The following SLC7A10 variants were observed in gnomAD, a reference collection of about 807,000 sequenced individuals.
SLC7A10 encodes the protein solute carrier family 7 member 10.
SLC7A10 carries 30 observed loss-of-function variants against 52.7 expected under a neutral mutation model. The observed-to-expected ratio is 0.57, with a 90% CI of 0.43 to 0.77. The LOEUF (loss-of-function observed/expected upper bound fraction) is 0.77. Among genes scored for constraint, SLC7A10 ranks in the 30% least tolerant of loss-of-function variants. The probability of loss-of-function intolerance (pLI) is 0.00; values close to 1 mark genes in which losing one functional copy is unlikely to be tolerated. For missense variants in SLC7A10, 581 were observed against 698.5 expected (o/e 0.83, Z 1.90); for synonymous variants, 318 against 314.9 (o/e 1.01, Z -0.10).
chr19:33,210,859 G>A lies in SLC7A10; in HGVS notation c.1056C>T (p.Ser352=). The change falls in exon 8 of 11, where the codon AGC becomes AGT. Residue 352 remains serine (S), a synonymous_variant. Transcript: ENST00000253188. This position sits in a 1 kb window ranked among gnomAD's most constrained non-coding sequence, Gnocchi z 5.6. ...FSGAREGHLP[S]LLAMIHVRHC... ...GTCTGACGTGGATCATGGCCAGCAG[G>A]CTGGGCAGGTGCCCCTCGCGGGCTC... 2 of 1,613,474 alleles carry A rather than the reference G, an allele frequency of 1.2e-6. No homozygotes were observed. The highest frequency in any genetic ancestry group is 1.6e-4 in the Middle Eastern group (1 of 6,062).
In SLC7A10 at chr19:33,210,589, C is replaced by T. The variant is rs765762004; in HGVS notation, c.1141G>A (p.Val381Met). 1.2e-5 allele frequency: 20 copies of T among 1,611,902 alleles called. No individual in the cohort carries two copies. The highest frequency in any genetic ancestry group is 4.4e-5 in the South Asian group (4 of 91,090). The change falls in exon 9 of 11, where the codon GTG (valine) becomes ATG (methionine). Residue 381 changes from valine to methionine, a missense_variant. Val to Met is a conservative substitution (Grantham distance 21). Transcript: ENST00000253188. The surrounding 1 kb of genome is among the most constrained non-coding windows in gnomAD (Gnocchi z 5.6). ...TTGATGAGCGTGTACGTGTCGCCCACGAGCATGATGACGGCTGTGGCCCCG... is the reference window on the plus strand; with the variant it reads ...TTGATGAGCGTGTACGTGTCGCCCATGAGCATGATGACGGCTGTGGCCCCG... ...CCGATAVIML[V>M]GDTYTLINYV... is the part of the protein sequence containing the mutation.
At position 33,215,996 on chromosome 19, in the gene SLC7A10, G is replaced by A. The variant is rs1599952865; in HGVS notation, c.152-23C>T. On this transcript the variant is annotated intron_variant, in intron 1 of 10. Transcript: ENST00000253188. ...TCCCTGCAGGGGGAGAGATGGGGAGGCATCAGGCCTGGGGTCCCCTTCGCA... is the reference window on the plus strand; with the variant it reads ...TCCCTGCAGGGGGAGAGATGGGGAGACATCAGGCCTGGGGTCCCCTTCGCA... 2.6e-6 allele frequency: 4 copies of A among 1,555,868 alleles called. No homozygotes were observed. In the East Asian group the frequency reaches 9.2e-5, roughly 36 times the overall value.
At position 33,225,838 on chromosome 19, in the gene SLC7A10, C is replaced by G. The variant is rs1974914869; in HGVS notation, c.-135G>C. The G allele has an allele frequency of 2.8e-6, 3 of 1,082,352 alleles. No homozygotes were observed. Among genetic ancestry groups the G allele is most frequent in the Non-Finnish European group, 1.2e-6 (1 of 851,384 alleles). 67.0% of individuals were successfully genotyped at this position (1,082,352 alleles called of 1,614,324 possible). A position where few individuals can be genotyped will look rare whatever the true frequency, so the allele number is the denominator to read the frequency against. On this transcript the variant is annotated 5_prime_UTR_variant, in exon 1 of 11. Transcript: ENST00000253188. ...CACAGGCGGGCGCATGCGCTGGCTC[C>G]GGGCCCGGGACTGGGGGCCCCGGGC...
intron 1 of SLC7A10, among the ~76,000 whole-genome samples, chr19:33,217,036 G>GT (rs550760579): frequency 1.5e-3 from 211 of 144,846 alleles, no homozygotes; most frequent in East Asian, 2.2e-3. Flanking sequence ...CCACACCCAG[G>GT]TTTTTTTTTT....
chr19:33,219,057 T>C (rs1974759179), intron 1 of SLC7A10, among the ~76,000 whole-genome samples: 1 of 151,988 alleles, frequency 6.6e-6, no homozygotes, highest in Non-Finnish European at 1.5e-5. Flanking sequence ...GTTGGGTGTC[T>C]GACCCATGGC....
intron 1 of SLC7A10, among the ~76,000 whole-genome samples, chr19:33,222,478 TA>T (rs1406985689): frequency 2.1e-5 from 3 of 141,048 alleles, no homozygotes; most frequent in Admixed American, 6.9e-5. Context: ...TAAAATAAAA[TA>T]AAATAAAATA....
chr19:33,212,374 G>T lies in SLC7A10; in HGVS notation c.706C>A (p.Leu236Met). 1 of 1,613,886 alleles carries T rather than the reference G, an allele frequency of 6.2e-7. No homozygotes were observed. The highest frequency in any genetic ancestry group is 8.5e-7 in the Non-Finnish European group (1 of 1,180,042). ...WMTPSVGHLA[L>M]AFLQGSFAFS... ...GCGAAGGAGCCCTGGAGGAAGGCCA[G>T]GGCCAGGTGTCCCACGGAGGGCGTC... Residue 236 changes from leucine to methionine, a missense_variant, in exon 5 of 11, where the codon CTG (leucine) becomes ATG (methionine). Physicochemically the swap from Leu to Met is conservative, Grantham distance 15 (BLOSUM62 2). Transcript: ENST00000253188.
chr19:33,216,014 C>T, intron 1 of SLC7A10, 41 bp from the exon 2 acceptor site: 2 of 1,493,578 alleles, frequency 1.3e-6, no homozygotes, highest in Non-Finnish European at 1.8e-6. Context: ...CCTGGGGTCC[C>T]CTTCGCAGCC....
intron 2 of SLC7A10, among the ~76,000 whole-genome samples, chr19:33,214,708 G>A (rs971834109): frequency 3.3e-5 from 5 of 152,204 alleles, no homozygotes; most frequent in African/African-American, 1.2e-4. Flanking sequence ...CCCAGCCTTA[G>A]GGCAAGCATT....
At chr19:33,209,043 T>A (rs763951846) in intron 10 of SLC7A10, 22 bp from the exon 11 acceptor site, 1 of 1,612,962 alleles carries the variant, frequency 6.2e-7, no homozygotes, top group South Asian at 1.1e-5. Context: ...CAGATGGACC[T>A]TGGGGCCTGA....
chr19:33,209,234 G>A (rs1010838136), intron 10 of SLC7A10, 74 bp downstream of exon 10: 1 of 1,592,752 alleles, frequency 6.3e-7, no homozygotes. Flanking sequence ...GCTCTGGGGT[G>A]AGCCTCTAAG....
intron 2 of SLC7A10, among the ~76,000 whole-genome samples, chr19:33,213,446 G>A (rs1321836291): frequency 1.3e-5 from 2 of 152,082 alleles, no homozygotes; most frequent in Admixed American, 6.5e-5. Flanking sequence ...CTGCCACCAT[G>A]CCTGGCAAAT....
chr19:33,223,963 A>ACCACCGCCACCACCACCACCACCG (rs1568397187), intron 1 of SLC7A10, among the ~76,000 whole-genome samples: 35 of 148,768 alleles, frequency 2.4e-4, no homozygotes, highest in Non-Finnish European at 5.9e-5. Context: ...CACCACCACC[A>ACCACCGCCACCACCACCACCACCG]CCACCACCAC....
At chr19:33,221,121 G>C (rs1317066727) in intron 1 of SLC7A10, 2 of 148,844 alleles carry the variant, frequency 1.3e-5, no homozygotes, top group Admixed American at 6.6e-5. Flanking sequence ...GCTTCACAGA[G>C]AGCAAAAGGC....
At chr19:33,217,375 C>A (rs186480502) in intron 1 of SLC7A10, among the ~76,000 whole-genome samples, 1 of 152,300 alleles carries the variant, frequency 6.6e-6, no homozygotes, top group Non-Finnish European at 1.5e-5. Context: ...AGAGTAGGTT[C>A]CCAGGATGAG....
chr19:33,208,945 G>A lies in SLC7A10; in HGVS notation c.1518C>T (p.Gly506=). Residue 506 remains glycine, a synonymous_variant, in exon 11 of 11, where the codon GGC becomes GGT. Coordinates refer to ENST00000253188, the MANE Select transcript of SLC7A10 (RefSeq NM_019849.3). The surrounding 1 kb of genome is among the most constrained non-coding windows in gnomAD (Gnocchi z 4.7). The stretch of plus-strand genomic sequence containing the variant: ...CAGGCAGCAGGGAGGGTGGGCAGGG[G>A]CCATTCTCCTCCTCTTCGGGGGCGT... ...PQDAPEEEEN[G]PCPPSLLPAT... 1 of 1,527,042 alleles carries A rather than the reference G, an allele frequency of 6.5e-7. No individual in the cohort carries two copies. Among genetic ancestry groups the A allele is most frequent in the East Asian group, 2.3e-5 (1 of 44,260 alleles). 94.6% of individuals were successfully genotyped at this position (1,527,042 alleles called of 1,614,324 possible).
At chr19:33,216,076 T>C in intron 1 of SLC7A10, 103 bp from the exon 2 acceptor site, 1 of 1,109,640 alleles carries the variant, frequency 9.0e-7, no homozygotes, top group South Asian at 1.7e-5. Flanking sequence ...CAGCCCGGGG[T>C]GCTTCCCGGA....
chr19:33,215,267 C>CA (rs56214783), intron 2 of SLC7A10, among the ~76,000 whole-genome samples: 3,184 of 115,366 alleles, frequency 0.028, 69 homozygotes, highest in African/African-American at 0.064. Flanking sequence ...GACTCTGTCT[C>CA]AAAAAAAAAA....
chr19:33,210,674 A>G lies in SLC7A10; in HGVS notation c.1114-58T>C. 2 of 1,609,632 alleles carry G rather than the reference A, an allele frequency of 1.2e-6. No homozygotes were observed. Among genetic ancestry groups the G allele is most frequent in the South Asian group, 1.1e-5 (1 of 90,984 alleles). On this transcript the variant is annotated intron_variant, in intron 8 of 10. Coordinates refer to ENST00000253188, the MANE Select transcript of SLC7A10 (RefSeq NM_019849.3). The surrounding 1 kb of genome is among the most constrained non-coding windows in gnomAD (Gnocchi z 5.6). ...CTAGCCTGCCTCCTGACGCCCCTGC[A>G]GGATGAGCCCTGGCCCCACCCCCAA...
Sources: gnomAD v4.1 joint callset for allele counts (sites outside exome capture counted in the v4.1 genomes callset) on GRCh38, gnomAD v4.1.1 for gene constraint, Gnocchi (gnomAD v3.1) non-coding constraint, MANE v1.5 for transcripts, NCBI Gene and HGNC (gene_info 2026-07-23, HGNC 2026-07-21) for gene names.